Variants in DLG2 observed in about 807,000 individuals in gnomAD.
The protein encoded by DLG2 is disks large homolog 2.
Under a neutral mutation model 132.5 loss-of-function variants are expected in DLG2, and 45 were observed. The observed-to-expected ratio is 0.34, with a 90% CI of 0.27 to 0.44. The LOEUF (loss-of-function observed/expected upper bound fraction) is 0.44, where lower values mean the gene tolerates loss of function less well. Ranked by LOEUF, DLG2 falls within the 20% of genes least tolerant of loss-of-function variation. The pLI, the probability that DLG2 is intolerant of heterozygous loss-of-function variation, is 1.00. For missense variants in DLG2, 1,045 were observed against 1,196.9 expected (o/e 0.87, Z 1.87); for synonymous variants, 424 against 419.6 (o/e 1.01, Z -0.13).
intron 3 of DLG2, among the ~76,000 whole-genome samples, chr11:85,548,717 G>A (rs2076480637): frequency 6.6e-6 from 1 of 152,190 alleles, no homozygotes. Context: ...GAGGCAGTCT[G>A]GCCACAGTGG....
At chr11:84,667,433 G>C (rs971949179) in intron 6 of DLG2, among the ~76,000 whole-genome samples, 6 of 150,568 alleles carry the variant, frequency 4.0e-5, no homozygotes, top group African/African-American at 1.5e-4. Flanking sequence ...TAAAAAAATT[G>C]AGAGGAAATA....
At chr11:84,848,442 C>T (rs574245788) in intron 6 of DLG2, among the ~76,000 whole-genome samples, 111 of 152,010 alleles carry the variant, frequency 7.3e-4, no homozygotes, top group Non-Finnish European at 4.9e-4. Flanking sequence ...TGCAGTGAGC[C>T]GAGATTGCAC....
intron 11 of DLG2, among the ~76,000 whole-genome samples, chr11:84,030,781 GGAGA>G (rs1374628197): frequency 6.6e-6 from 1 of 152,210 alleles, no homozygotes; most frequent in East Asian, 1.9e-4. Context: ...GAGCTGCATT[GGAGA>G]GGAGCTGGAA....
At chr11:85,222,530 C>T (rs989816965) in intron 4 of DLG2, among the ~76,000 whole-genome samples, 1 of 152,112 alleles carries the variant, frequency 6.6e-6, no homozygotes, top group African/African-American at 2.4e-5. Context: ...GGTATTCCCT[C>T]ATTGGAAATT....
intron 19 of DLG2, among the ~76,000 whole-genome samples, chr11:83,550,940 C>G (rs1195844697): frequency 6.6e-6 from 1 of 152,102 alleles, no homozygotes; most frequent in Admixed American, 6.6e-5. Flanking sequence ...GAAGAAATAA[C>G]CTGGCATGGA....
chr11:85,201,615 T>A (rs2081465969), intron 4 of DLG2, among the ~76,000 whole-genome samples: 1 of 152,120 alleles, frequency 6.6e-6, no homozygotes, highest in Admixed American at 6.5e-5. Context: ...CTCTGGAAGG[T>A]CCTCTAAAGA....
At chr11:84,270,420 T>G (rs1035055619) in intron 7 of DLG2, among the ~76,000 whole-genome samples, 2 of 152,318 alleles carry the variant, frequency 1.3e-5, no homozygotes, top group South Asian at 4.1e-4. Context: ...ATCCTGAAAC[T>G]TTGAAGGACT....
intron 15 of DLG2, among the ~76,000 whole-genome samples, chr11:83,882,267 T>C (rs1000335744): frequency 1.3e-5 from 2 of 151,706 alleles, no homozygotes; most frequent in Non-Finnish European, 2.9e-5. Context: ...CCCTCACATA[T>C]AAAAAAAAGA....
At chr11:84,544,238 G>A (rs1045258098) in intron 6 of DLG2, among the ~76,000 whole-genome samples, 4 of 152,186 alleles carry the variant, frequency 2.6e-5, no homozygotes, top group African/African-American at 9.7e-5. Flanking sequence ...AAAGTTAACT[G>A]TTTAATTCTA....
intron 11 of DLG2, among the ~76,000 whole-genome samples, chr11:84,052,666 G>T (rs1250728428): frequency 7.6e-6 from 1 of 131,896 alleles, no homozygotes; most frequent in South Asian, 2.6e-4. Flanking sequence ...ACACCAGCTA[G>T]AATGGCTATT....
intron 3 of DLG2, among the ~76,000 whole-genome samples, chr11:85,498,025 C>T (rs1421952098): frequency 6.6e-6 from 1 of 152,152 alleles, no homozygotes; most frequent in Non-Finnish European, 1.5e-5. Context: ...CATCAATTAA[C>T]AGGCAAAATA....
chr11:84,019,197 C>T (rs2095313112), intron 11 of DLG2, among the ~76,000 whole-genome samples: 1 of 151,606 alleles, frequency 6.6e-6, no homozygotes, highest in Non-Finnish European at 1.5e-5. Context: ...CACAATATGC[C>T]GTTCAGTATT....
chr11:84,190,643 C>T (rs1262111816), intron 8 of DLG2, among the ~76,000 whole-genome samples: 2 of 152,134 alleles, frequency 1.3e-5, no homozygotes, highest in Non-Finnish European at 2.9e-5. Flanking sequence ...CTAATATATA[C>T]ATTCAATGGA....
chr11:83,877,523 T>C (rs2065069600), intron 15 of DLG2, among the ~76,000 whole-genome samples: 1 of 152,152 alleles, frequency 6.6e-6, no homozygotes, highest in Non-Finnish European at 1.5e-5. Flanking sequence ...TTATAACTAA[T>C]TATTTTGTTA....
chr11:84,261,043 C>T (rs2097542378), intron 7 of DLG2, among the ~76,000 whole-genome samples: 1 of 152,142 alleles, frequency 6.6e-6, no homozygotes, highest in Non-Finnish European at 1.5e-5. Flanking sequence ...ATCTGTTCCT[C>T]GTTGCTAAGC....
intron 15 of DLG2, among the ~76,000 whole-genome samples, chr11:83,888,978 T>C (rs11233783): frequency 0.096 from 14,642 of 152,140 alleles, 835 homozygotes; most frequent in Middle Eastern, 0.2. Context: ...AAGACTTAAA[T>C]GTTAGACCTA....
intron 6 of DLG2, among the ~76,000 whole-genome samples, chr11:84,827,552 C>T (rs968558200): frequency 2.0e-5 from 3 of 150,952 alleles, no homozygotes; most frequent in Non-Finnish European, 4.4e-5. Flanking sequence ...ATGAAATCCC[C>T]ATTCCAAGAG....
chr11:83,963,736 AC>A (rs796189485), intron 13 of DLG2, among the ~76,000 whole-genome samples: 47 of 151,852 alleles, frequency 3.1e-4, no homozygotes, highest in Admixed American at 5.9e-4. Context: ...CAATTTTAAT[AC>A]CCCCCAACAC....
chr11:84,566,681 A>G (rs1352212480), intron 6 of DLG2, among the ~76,000 whole-genome samples: 1 of 152,240 alleles, frequency 6.6e-6, no homozygotes, highest in Non-Finnish European at 1.5e-5. Flanking sequence ...AACTGATTAT[A>G]TAAGAGAAGT....
Sources: gnomAD v4.1 joint callset for allele counts (sites outside exome capture counted in the v4.1 genomes callset) on GRCh38, gnomAD v4.1.1 for gene constraint, MANE v1.5 for transcripts, NCBI Gene and HGNC (gene_info 2026-07-23, HGNC 2026-07-21) for gene names.